The following OR1L8 variants were observed in gnomAD, a reference collection of about 807,000 sequenced individuals.
The protein encoded by OR1L8 is olfactory receptor 1L8.
For synonymous variants in OR1L8, 148 were observed against 147.0 expected (o/e 1.01, Z -0.05); for missense variants, 330 against 377.4 (o/e 0.87, Z 1.04).
chr9:122,564,012 T>C (rs895004302), downstream of OR1L8, among the ~76,000 whole-genome samples: 1 of 152,204 alleles, frequency 6.6e-6, no homozygotes, highest in Non-Finnish European at 1.5e-5. Flanking sequence ...TATAGCTTTA[T>C]AGTATGTTTT....
At chr9:122,554,270 G>T in the OR1L8 span, 1 of 806,598 alleles carries the variant, frequency 1.2e-6, no homozygotes. Context: ...GTTATCCGTT[G>T]ACTCTGAGTT....
chr9:122,577,332 A>G (rs1829674898), intron 2 of OR1L8, among the ~76,000 whole-genome samples: 1 of 152,196 alleles, frequency 6.6e-6, no homozygotes, highest in African/African-American at 2.4e-5. Context: ...GCAGACTTCA[A>G]ATTTAAGGGC....
chr9:122,578,541 GA>G (rs1382158735), intron 1 of OR1L8, 96 bp from the exon 2 acceptor site: 1 of 151,750 alleles, frequency 6.6e-6, no homozygotes, highest in Non-Finnish European at 1.5e-5. Context: ...CAAAAATATG[GA>G]ACCAGCCCAA....
chr9:122,573,685 A>T (rs1221851056), intron 3 of OR1L8, among the ~76,000 whole-genome samples: 1 of 152,170 alleles, frequency 6.6e-6, no homozygotes, highest in Non-Finnish European at 1.5e-5. Flanking sequence ...TTCTCCCAGT[A>T]TGTGGCTTAT....
Position 122,577,035 on chromosome 9 carries a change from A to G in OR1L8, c.-477-134T>C, listed in dbSNP as rs1034886792. ...TGTATAATTGGGTTTTTAAATGACAATAATTGATTCTGGGTGGAGGCAGGA... is the reference window on the plus strand; with the variant it reads ...TGTATAATTGGGTTTTTAAATGACAGTAATTGATTCTGGGTGGAGGCAGGA... On this transcript the variant is annotated intron_variant, in intron 2 of 4. Transcript: ENST00000641027. The G allele has an allele frequency of 3.3e-5, 5 of 152,220 alleles. 1 individual carries two copies. Among genetic ancestry groups the G allele is most frequent in the Non-Finnish European group, 5.9e-5 (4 of 68,038 alleles). The allele number at this position is 152,220 out of a possible 1,614,324, so 9.4% of individuals were successfully genotyped here.
chr9:122,569,118 A>G (rs185838324), intron 4 of OR1L8, among the ~76,000 whole-genome samples: 115 of 152,192 alleles, frequency 7.6e-4, no homozygotes, highest in African/African-American at 2.7e-3. Flanking sequence ...TGTTGAACGC[A>G]GTCAATAGAG....
the OR1L8 span, among the ~76,000 whole-genome samples, chr9:122,548,313 G>C: frequency 1.3e-5 from 2 of 152,088 alleles, no homozygotes; most frequent in Admixed American, 6.6e-5. Context: ...GTCTAACAAG[G>C]TTTCTTTATA....
downstream of OR1L8, among the ~76,000 whole-genome samples, chr9:122,566,233 C>G (rs536110396): frequency 4.6e-5 from 7 of 152,312 alleles, no homozygotes; most frequent in Non-Finnish European, 8.8e-5. Flanking sequence ...GAAAGTTTTT[C>G]TTCAACTGGT....
Position 122,568,628 on chromosome 9 carries a change from G to A in OR1L8, c.-151C>T, listed in dbSNP as rs1016001044. The A allele has an allele frequency of 3.5e-6, 2 of 565,728 alleles. No homozygotes were observed. Among genetic ancestry groups the A allele is most frequent in the Non-Finnish European group, 6.2e-6 (2 of 323,810 alleles). The allele number at this position is 565,728 out of a possible 1,614,324, so 35.0% of individuals were successfully genotyped here. On this transcript the variant is annotated 5_prime_UTR_variant, in exon 5 of 5. Transcript: ENST00000641027. Reference sequence around the variant, plus strand: ...TTGTGGGATGGCTTGTTCACCTCATGGTCCTTGATGGGGTCCTCCCTTCCC... The same window carrying A: ...TTGTGGGATGGCTTGTTCACCTCATAGTCCTTGATGGGGTCCTCCCTTCCC...
chr9:122,563,124 A>C (rs971190146), downstream of OR1L8, among the ~76,000 whole-genome samples: 1 of 151,966 alleles, frequency 6.6e-6, no homozygotes, highest in East Asian at 1.9e-4. Flanking sequence ...GTACTAATTT[A>C]TATTCTCACC....
chr9:122,567,424 T>C lies in OR1L8; in HGVS notation c.*124A>G. On this transcript the variant is annotated 3_prime_UTR_variant, in exon 5 of 5. Coordinates refer to ENST00000641027, the MANE Select transcript of OR1L8 (RefSeq NM_001004454.2). ...CATCAATGGATGTAAGTGCCCACAA[T>C]AGCCTTGTCTCACATGGGTCAGAAG... is the stretch of plus-strand genomic sequence containing the variant. The C allele has an allele frequency of 1.5e-6, 1 of 676,244 alleles. No individual in the cohort carries two copies. Among genetic ancestry groups the C allele is most frequent in the East Asian group, 2.6e-5 (1 of 38,012 alleles). 41.9% of individuals were successfully genotyped at this position (676,244 alleles called of 1,614,324 possible).
At chr9:122,575,048 AAACTT>A (rs1829627845) in intron 3 of OR1L8, among the ~76,000 whole-genome samples, 1 of 152,110 alleles carries the variant, frequency 6.6e-6, no homozygotes, top group South Asian at 2.1e-4. Flanking sequence ...AGGATAAATT[AAACTT>A]GGTTGTGATG....
downstream of OR1L8, among the ~76,000 whole-genome samples, chr9:122,564,164 G>T (rs1344971367): frequency 1.3e-5 from 2 of 152,054 alleles, no homozygotes; most frequent in Non-Finnish European, 2.9e-5. Context: ...CATCACTGTT[G>T]CCCTCTAGTT....
the OR1L8 span, among the ~76,000 whole-genome samples, chr9:122,554,938 C>A: frequency 7.9e-5 from 12 of 152,090 alleles, no homozygotes; most frequent in Admixed American, 4.6e-4. Flanking sequence ...ATAAATCAAG[C>A]ATGCTGGAAA....
Position 122,567,899 on chromosome 9 carries a change from T to C in OR1L8, c.579A>G (p.Ile193Met). 5.0e-6 allele frequency: 8 copies of C among 1,613,914 alleles called. No homozygotes were observed. Among genetic ancestry groups the C allele is most frequent in the Non-Finnish European group, 6.8e-6 (8 of 1,179,938 alleles). The change falls in exon 5 of 5, where the codon ATA (isoleucine) becomes ATG (methionine). Residue 193 changes from isoleucine to methionine, a missense_variant. Physicochemically the swap from Ile to Met is conservative, Grantham distance 10 (BLOSUM62 1). Coordinates refer to ENST00000641027, the MANE Select transcript of OR1L8 (RefSeq NM_001004454.2). ...SPVLKLSCSS[I>M]FVNEIVQMTE... ...TCATCTGCACAATTTCATTGACAAA[T>C]ATGGAAGAGCAGGACAATTTCAGCA...
the OR1L8 span, among the ~76,000 whole-genome samples, chr9:122,555,009 C>T: frequency 6.6e-6 from 1 of 152,108 alleles, no homozygotes; most frequent in African/African-American, 2.4e-5. Flanking sequence ...TGAGAAGTCA[C>T]AAAGCTTAAC....
At chr9:122,552,857 A>G in the OR1L8 span, among the ~76,000 whole-genome samples, 1 of 151,266 alleles carries the variant, frequency 6.6e-6, no homozygotes, top group African/African-American at 2.4e-5. Context: ...GACAATAACA[A>G]ATGGCTTTTC....
In OR1L8 at chr9:122,567,860, A is replaced by G. The variant is rs1436515623; in HGVS notation, c.618T>C (p.Ile206=). The stretch of plus-strand genomic sequence containing the variant: ...TGCAGAGAAAACGAGTCACCAAAAC[A>G]ATAGGTGCTTCTGTCATCTGCACAA... The part of the protein sequence containing the change: ...NEIVQMTEAP[I]VLVTRFLCIA... The change falls in exon 5 of 5, where the codon ATT becomes ATC. Residue 206 remains isoleucine, a synonymous_variant. Coordinates refer to ENST00000641027, the MANE Select transcript of OR1L8 (RefSeq NM_001004454.2). The G allele has an allele frequency of 3.1e-6, 5 of 1,614,088 alleles. No homozygotes were observed. Among genetic ancestry groups the G allele is most frequent in the Non-Finnish European group, 1.7e-6 (2 of 1,179,964 alleles).
the OR1L8 span, chr9:122,554,057 G>A: frequency 1.3e-5 from 21 of 1,613,462 alleles, no homozygotes; most frequent in Non-Finnish European, 1.8e-5. Context: ...TTCTCTATAT[G>A]GTGATTATTC....
Sources: allele counts gnomAD v4.1 joint callset (sites outside exome capture counted in the v4.1 genomes callset), GRCh38; gene constraint gnomAD v4.1.1; transcripts MANE v1.5; gene names NCBI Gene and HGNC (gene_info 2026-07-23, HGNC 2026-07-21).